The following HIVEP1 variants were observed in gnomAD, a reference collection of about 807,000 sequenced individuals.
The protein encoded by HIVEP1 is zinc finger protein 40.
A neutral mutation model predicts 180.0 loss-of-function variants in HIVEP1; 36 were observed. The observed-to-expected ratio is 0.20, with a 90% CI of 0.15 to 0.26. HIVEP1 has a LOEUF of 0.26. Ranked by LOEUF, HIVEP1 falls within the 10% of genes least tolerant of loss-of-function variation. The pLI is 1.00. For synonymous variants in HIVEP1, 1,239 were observed against 1,239.0 expected (o/e 1.00, Z 0.00); for missense variants, 3,143 against 3,268.7 (o/e 0.96, Z 0.94).
the HIVEP1 span, among the ~76,000 whole-genome samples, chr6:12,191,060 G>GA: frequency 3.8e-3 from 565 of 149,026 alleles, 2 homozygotes; most frequent in Non-Finnish European, 6.2e-3. Flanking sequence ...AACCAAATAA[G>GA]AAAAAAAAAC....
At chr6:12,129,452 C>G in intron 4 of HIVEP1, 1 of 386,370 alleles carries the variant, frequency 2.6e-6, no homozygotes, top group Admixed American at 4.0e-5. Flanking sequence ...AATATTTAGT[C>G]TACTAAAAAA....
the HIVEP1 span, among the ~76,000 whole-genome samples, chr6:12,211,379 G>T: frequency 1.2e-5 from 1 of 85,486 alleles, no homozygotes; most frequent in Non-Finnish European, 2.3e-5. Context: ...CAGCCTGGGT[G>T]ACAGAGCGAG....
At chr6:12,149,611 T>G (rs1245685630) in intron 7 of HIVEP1, among the ~76,000 whole-genome samples, 3 of 152,236 alleles carry the variant, frequency 2.0e-5, no homozygotes, top group African/African-American at 7.2e-5. Context: ...GGTCTTATGC[T>G]GTGTTTGTGC....
intron 3 of HIVEP1, among the ~76,000 whole-genome samples, chr6:12,108,877 A>G (rs1774683384): frequency 2.0e-5 from 3 of 152,240 alleles, no homozygotes; most frequent in South Asian, 2.1e-4. Flanking sequence ...AGGTGCCGCC[A>G]AAGTGGGAGC....
At chr6:12,129,019 G>A (rs1327909641) in intron 4 of HIVEP1, among the ~76,000 whole-genome samples, 1 of 151,876 alleles carries the variant, frequency 6.6e-6, no homozygotes. Flanking sequence ...AAGACTGGTC[G>A]GTGCAACAGA....
chr6:12,176,301 C>T, the HIVEP1 span, among the ~76,000 whole-genome samples: 1 of 145,224 alleles, frequency 6.9e-6, no homozygotes, highest in Admixed American at 7.1e-5. Flanking sequence ...TGGCTGATCT[C>T]GGCTCACCAG....
intron 2 of HIVEP1, among the ~76,000 whole-genome samples, chr6:12,086,308 C>T (rs1773119904): frequency 6.6e-6 from 1 of 152,058 alleles, no homozygotes; most frequent in South Asian, 2.1e-4. Flanking sequence ...AATTTAAATA[C>T]AGTAAGAACT....
intron 7 of HIVEP1, among the ~76,000 whole-genome samples, chr6:12,138,930 C>G (rs1178992790): frequency 1.3e-5 from 2 of 151,720 alleles, no homozygotes; most frequent in Non-Finnish European, 2.9e-5. Context: ...CCAGTAAAAC[C>G]TTTTGGCTCT....
At chr6:12,204,006 G>A in the HIVEP1 span, among the ~76,000 whole-genome samples, 2 of 152,120 alleles carry the variant, frequency 1.3e-5, no homozygotes, top group African/African-American at 4.8e-5. Context: ...GAACCTGGGA[G>A]GCGGAGGTTG....
At chr6:12,074,619 A>ATGTGTGT (rs1554139006) in intron 2 of HIVEP1, among the ~76,000 whole-genome samples, 12 of 138,876 alleles carry the variant, frequency 8.6e-5, no homozygotes, top group Admixed American at 2.1e-4. Context: ...TGTATGAAAA[A>ATGTGTGT]GTGTGTGTGT....
chr6:12,021,704 T>C (rs1001543529), intron 2 of HIVEP1, among the ~76,000 whole-genome samples: 1 of 152,156 alleles, frequency 6.6e-6, no homozygotes, highest in African/African-American at 2.4e-5. Context: ...TCACTCTTGT[T>C]GTCCAGGCTG....
intron 2 of HIVEP1, among the ~76,000 whole-genome samples, chr6:12,065,682 TGTGTGTGTGC>T (rs1414506167): frequency 1.3e-5 from 1 of 76,962 alleles, no homozygotes; most frequent in African/African-American, 4.9e-5. Context: ...TGTGTGTGTG[TGTGTGTGTGC>T]GTGTGTGTGT....
chr6:12,033,743 CT>C lies in HIVEP1; in HGVS notation c.40+18080del, dbSNP rs1390192973. On this transcript the variant is annotated intron_variant, in intron 2 of 8. Coordinates refer to ENST00000379388, the MANE Select transcript of HIVEP1 (RefSeq NM_002114.4). ...TGACAGAGTACCTTATTCTAGAATA[CT>C]TTTTAAAAAAATATTAAGTTTTTAA... 2.0e-5 allele frequency among the ~76,000 whole-genome samples: 3 copies of C among 152,062 alleles called. No individual in the cohort carries two copies. The East Asian group carries it at 5.8e-4, about 29-fold the overall frequency.
downstream of HIVEP1, among the ~76,000 whole-genome samples, chr6:12,167,578 A>C: frequency 7.9e-5 from 1 of 12,670 alleles, no homozygotes; most frequent in African/African-American, 2.1e-4. Context: ...CATGTTATAT[A>C]TACGTTATAT....
the HIVEP1 span, among the ~76,000 whole-genome samples, chr6:12,208,736 T>G: frequency 6.6e-6 from 1 of 151,932 alleles, no homozygotes; most frequent in African/African-American, 2.4e-5. Flanking sequence ...TGTGAGGACA[T>G]AGGGAGAAGG....
chr6:12,092,383 G>T (rs189461695), intron 3 of HIVEP1, among the ~76,000 whole-genome samples: 1 of 152,106 alleles, frequency 6.6e-6, no homozygotes, highest in South Asian at 2.1e-4. Context: ...CACCCATGCC[G>T]TTGCACATAG....
At chr6:12,115,601 A>T (rs1775167157) in intron 3 of HIVEP1, among the ~76,000 whole-genome samples, 2 of 151,996 alleles carry the variant, frequency 1.3e-5, no homozygotes, top group African/African-American at 4.8e-5. Context: ...CATTACCGGT[A>T]GCACACTGAC....
At chr6:12,061,986 CAA>C (rs1280997381) in intron 2 of HIVEP1, among the ~76,000 whole-genome samples, 1 of 152,096 alleles carries the variant, frequency 6.6e-6, no homozygotes, top group Non-Finnish European at 1.5e-5. Flanking sequence ...ATAGTAGAGT[CAA>C]AAATAGTTTA....
chr6:12,211,154 C>T, the HIVEP1 span, among the ~76,000 whole-genome samples: 3 of 148,692 alleles, frequency 2.0e-5, no homozygotes, highest in Non-Finnish European at 4.4e-5. Context: ...GATCCCAGCA[C>T]TTTGGGAGGC....
Sources: gnomAD v4.1 joint callset for allele counts (sites outside exome capture counted in the v4.1 genomes callset) on GRCh38, gnomAD v4.1.1 for gene constraint, MANE v1.5 for transcripts, NCBI Gene and HGNC (gene_info 2026-07-23, HGNC 2026-07-21) for gene names.